The following DSC3 variants were observed in gnomAD, a reference collection of about 807,000 sequenced individuals.
DSC3 encodes the protein desmocollin 3.
Under a neutral mutation model 89.5 loss-of-function variants are expected in DSC3, and 97 were observed. The ratio of observed to expected loss-of-function variants is 1.08; its 90% confidence interval spans 0.92 to 1.28. The LOEUF is 1.28. Ranked by LOEUF, DSC3 falls within the 50% of genes most tolerant of loss-of-function variation. The probability of loss-of-function intolerance (pLI) is 0.00; values close to 1 mark genes in which losing one functional copy is unlikely to be tolerated. For missense variants in DSC3, 1,199 were observed against 1,085.3 expected (o/e 1.10, Z -1.47); for synonymous variants, 436 against 384.1 (o/e 1.14, Z -1.58).
rs1225598528 is a variant in DSC3 at position 31,004,252 on chromosome 18, A to G, written c.2003T>C (p.Leu668Pro). 3 of 1,614,036 alleles carry G rather than the reference A, an allele frequency of 1.9e-6. No homozygotes were observed. Among genetic ancestry groups the G allele is most frequent in the East Asian group, 2.2e-5 (1 of 44,870 alleles). The stretch of plus-strand genomic sequence containing the variant: ...CTGAGTTGGATGAGTACATTCACAC[A>G]GATTAACTCTCAATAATTTTGTTGC... ...QAATKLLRVN[L>P]CECTHPTQCR... The change falls in exon 13 of 16, where the codon CTG becomes CCG. Residue 668 changes from leucine to proline, a missense_variant. Transcript: ENST00000360428.
chr18:31,028,011 AG>A (rs2144725479), intron 4 of DSC3, among the ~76,000 whole-genome samples: 1 of 152,246 alleles, frequency 6.6e-6, no homozygotes, highest in South Asian at 2.1e-4. Context: ...CCATAAGTTT[AG>A]TTTGAAACCC....
chr18:31,041,919 A>G (rs1405392604), intron 1 of DSC3, among the ~76,000 whole-genome samples: 1 of 151,686 alleles, frequency 6.6e-6, no homozygotes, highest in East Asian at 2.0e-4. Context: ...AGCATCCCCA[A>G]AACACAACAC....
intron 14 of DSC3, among the ~76,000 whole-genome samples, chr18:31,000,444 T>A (rs975854808): frequency 3.3e-5 from 5 of 152,194 alleles, no homozygotes; most frequent in Non-Finnish European, 7.4e-5. Context: ...AGCTTCACGC[T>A]GCTTGATTAT....
In DSC3 at chr18:31,029,512, T is replaced by C. The variant is rs1985708870; in HGVS notation, c.471A>G (p.Gln157=). The C allele has an allele frequency of 6.2e-7, 1 of 1,613,702 alleles. No individual in the cohort carries two copies. Among genetic ancestry groups the C allele is most frequent in the Non-Finnish European group, 8.5e-7 (1 of 1,179,716 alleles). The change falls in exon 4 of 16, where the codon CAA becomes CAG. Residue 157 remains glutamine (Q), a synonymous_variant. Coordinates refer to ENST00000360428, the MANE Select transcript of DSC3 (RefSeq NM_001941.5). The part of the protein sequence containing the change: ...NSLGPFPLFL[Q]QVESDAAQNY... ...ACCAGAAAAGGTGTAAACCTACTTG[T>C]TGAAGAAACAATGGGAAAGGGCCCA... is the stretch of plus-strand genomic sequence containing the variant.
rs1219698500 is a variant in DSC3, at chr18:31,001,733, A to C, written c.2120T>G (p.Leu707Trp). ...LLGIALLFSV[L>W]LTLVCGVFGA... ...AAAAACTCCACATACTAAAGTTAGC[A>C]ATACAGCTGAATTTAAAAATAAAAA... The change falls in exon 14 of 16, where the codon TTG becomes TGG. Residue 707 changes from leucine (L) to tryptophan (W), a missense_variant. By Grantham distance (61) the Leu-to-Trp change is moderately conservative. Coordinates refer to ENST00000360428, the MANE Select transcript of DSC3 (RefSeq NM_001941.5). 2 of 1,585,286 alleles carry C rather than the reference A, an allele frequency of 1.3e-6. No homozygotes were observed. Among genetic ancestry groups the C allele is most frequent in the East Asian group, 4.5e-5 (2 of 44,520 alleles).
At chr18:30,994,505 AG>A in intron 15 of DSC3, 133 bp from the exon 16 acceptor site, 1 of 1,587,084 alleles carries the variant, frequency 6.3e-7, no homozygotes, top group Non-Finnish European at 8.6e-7. Flanking sequence ...TCCTACACAC[AG>A]AAAATGCAAA....
chr18:31,006,292 G>GTATTATTATTATTATTAT (rs138302615), intron 12 of DSC3, among the ~76,000 whole-genome samples: 8,604 of 149,774 alleles, frequency 0.057, 315 homozygotes, highest in African/African-American at 0.096. Flanking sequence ...CACCTCGCTG[G>GTATTATTATTATTATTAT]TATTATTATT....
intron 14 of DSC3, among the ~76,000 whole-genome samples, chr18:31,000,477 T>C (rs1984615756): frequency 6.6e-6 from 1 of 152,158 alleles, no homozygotes; most frequent in South Asian, 2.1e-4. Context: ...TAGAAAAGCC[T>C]TGGCTGGCTC....
In DSC3 at chr18:31,007,109, T is replaced by C. The variant is rs1445305507; in HGVS notation, c.1686A>G (p.Thr562=). Residue 562 remains threonine (T), a synonymous_variant, in exon 12 of 16, where the codon ACA becomes ACG. Coordinates refer to ENST00000360428, the MANE Select transcript of DSC3 (RefSeq NM_001941.5). ...IDKDDRSCTG[T]LAVNIEDVND... is the part of the protein sequence containing the mutation. ...TTACATCTTCAATGTTCACAGCAAG[T>C]GTTCCAGTACATGATCTATCATCTA... The C allele has an allele frequency of 3.7e-6, 6 of 1,613,380 alleles. No individual in the cohort carries two copies. The African/African-American group carries it at 6.7e-5, about 18-fold the overall frequency.
chr18:31,002,307 AT>A (rs1186860826), intron 13 of DSC3, among the ~76,000 whole-genome samples: 1 of 152,208 alleles, frequency 6.6e-6, no homozygotes, highest in Non-Finnish European at 1.5e-5. Context: ...CATTGGCAAA[AT>A]CCCCAAACCC....
chr18:31,023,752 T>C (rs1224786793), intron 6 of DSC3, among the ~76,000 whole-genome samples: 1 of 152,116 alleles, frequency 6.6e-6, no homozygotes, highest in Non-Finnish European at 1.5e-5. Context: ...AAGTGCCACA[T>C]TTTAAGGGCC....
chr18:31,034,366 A>G (rs1443571959), intron 1 of DSC3, among the ~76,000 whole-genome samples: 1 of 152,192 alleles, frequency 6.6e-6, no homozygotes, highest in Non-Finnish European at 1.5e-5. Context: ...ACTAAAATAA[A>G]TAAGACAGAA....
In DSC3 at chr18:31,004,280, C is replaced by T; in HGVS notation, c.1975G>A (p.Ala659Thr). 1 of 1,614,014 alleles carries T rather than the reference C, an allele frequency of 6.2e-7. No individual in the cohort carries two copies. Among genetic ancestry groups the T allele is most frequent in the Non-Finnish European group, 8.5e-7 (1 of 1,179,920 alleles). Residue 659 changes from alanine to threonine, a missense_variant, in exon 13 of 16, where the codon GCT (alanine) becomes ACT (threonine). Ala to Thr is a moderately conservative substitution (Grantham distance 58, BLOSUM62 0). Transcript: ENST00000360428. Reference sequence around the variant, plus strand: ...TTAACTCTCAATAATTTTGTTGCAGCTTGGCCGGCCCTGTCTTTTACAGTA... The same window carrying T: ...TTAACTCTCAATAATTTTGTTGCAGTTTGGCCGGCCCTGTCTTTTACAGTA... ...PITVKDRAGQ[A>T]ATKLLRVNLC...
chr18:30,998,322 T>C lies in DSC3; in HGVS notation c.2236-1274A>G, dbSNP rs576668212. ...CAATCAAGGACAGAGTTAGAAATTATTCTTTTGTGTTCCATGAAGGCAAAC... is the reference window on the plus strand; with the variant it reads ...CAATCAAGGACAGAGTTAGAAATTACTCTTTTGTGTTCCATGAAGGCAAAC... On this transcript the variant is annotated intron_variant, in intron 14 of 15. Coordinates refer to ENST00000360428, the MANE Select transcript of DSC3 (RefSeq NM_001941.5). 2.6e-5 allele frequency among the ~76,000 whole-genome samples: 4 copies of C among 152,256 alleles called. 1 individual carries two copies. Among genetic ancestry groups the C allele is most frequent in the African/African-American group, 7.2e-5 (3 of 41,566 alleles).
chr18:31,022,389 C>T lies in DSC3; in HGVS notation c.889G>A (p.Val297Met), dbSNP rs775339453. ...GTGATTACGCCTGTGCTGGGATGCACAGAAAAGAGCCCAGGTGACCTTGGT... is the reference window on the plus strand; with the variant it reads ...GTGATTACGCCTGTGCTGGGATGCATAGAAAAGAGCCCAGGTGACCTTGGT... ...QTPRSPGLFS[V>M]HPSTGVITTV... The change falls in exon 7 of 16, where the codon GTG (valine) becomes ATG (methionine). Residue 297 changes from valine to methionine, a missense_variant. Coordinates refer to ENST00000360428, the MANE Select transcript of DSC3 (RefSeq NM_001941.5). 2 of 1,614,046 alleles carry T rather than the reference C, an allele frequency of 1.2e-6. No homozygotes were observed. Among genetic ancestry groups the T allele is most frequent in the East Asian group, 2.2e-5 (1 of 44,866 alleles).
At position 31,018,108 on chromosome 18, in the gene DSC3, T is replaced by C; in HGVS notation, c.1226A>G (p.Asp409Gly). 4 of 1,612,296 alleles carry C rather than the reference T, an allele frequency of 2.5e-6. No individual in the cohort carries two copies. Among genetic ancestry groups the C allele is most frequent in the Non-Finnish European group, 3.4e-6 (4 of 1,178,998 alleles). The change falls in exon 9 of 16, where the codon GAC becomes GGC. Residue 409 changes from aspartate (D) to glycine (G), a missense_variant. Coordinates refer to ENST00000360428, the MANE Select transcript of DSC3 (RefSeq NM_001941.5). ...AAGAACACCTTCATTAGTTTCTTTG[T>C]CTGTGCTGATTTTGAAATGTCCATT... ...NENGHFKIST[D>G]KETNEGVLSV...
At chr18:31,039,046 T>A in intron 1 of DSC3, among the ~76,000 whole-genome samples, 1 of 152,176 alleles carries the variant, frequency 6.6e-6, no homozygotes, top group South Asian at 2.1e-4. Flanking sequence ...GATGAACTAA[T>A]GACCTTTAAA....
chr18:31,030,894 T>C, intron 3 of DSC3, 79 bp downstream of exon 3: 1 of 1,296,118 alleles, frequency 7.7e-7, no homozygotes, highest in Non-Finnish European at 1.1e-6. Context: ...ACCCTATTTA[T>C]CCTTGTTTCT....
chr18:31,006,275 C>T (rs571196938), intron 12 of DSC3, among the ~76,000 whole-genome samples: 1 of 138,774 alleles, frequency 7.2e-6, no homozygotes, highest in East Asian at 2.2e-4. Flanking sequence ...ATCTTCTGCT[C>T]TCTCCTCACC....
Sources: allele counts gnomAD v4.1 joint callset (sites outside exome capture counted in the v4.1 genomes callset), GRCh38; gene constraint gnomAD v4.1.1; transcripts MANE v1.5; gene names NCBI Gene and HGNC (gene_info 2026-07-23, HGNC 2026-07-21).